The following ADGRL2 variants were observed in gnomAD, a reference collection of about 807,000 sequenced individuals.
ADGRL2 encodes the protein adhesion G protein-coupled receptor L2.
In ADGRL2, 44 loss-of-function variants were observed where a neutral mutation model predicts 157.4. That is an observed-to-expected ratio of 0.28 (90% confidence interval 0.22 to 0.36). ADGRL2 has a LOEUF of 0.36. Among genes scored for constraint, ADGRL2 ranks in the 10% least tolerant of loss-of-function variants. The pLI, the probability that ADGRL2 is intolerant of heterozygous loss-of-function variation, is 1.00. For synonymous variants in ADGRL2, 585 were observed against 624.7 expected (o/e 0.94, Z 0.95); for missense variants, 1,510 against 1,768.9 (o/e 0.85, Z 2.63).
intron 2 of ADGRL2, among the ~76,000 whole-genome samples, chr1:81,895,453 CA>C (rs2094364107): frequency 7.8e-6 from 1 of 128,844 alleles, no homozygotes. Context: ...GGCTGGAGTG[CA>C]GTGGTGCAGT....
chr1:81,830,562 C>CA (rs1163874629), intron 1 of ADGRL2, among the ~76,000 whole-genome samples: 1 of 152,202 alleles, frequency 6.6e-6, no homozygotes, highest in Non-Finnish European at 1.5e-5. Flanking sequence ...GGCTGGAGTG[C>CA]AGTGGCCTCA....
intron 2 of ADGRL2, among the ~76,000 whole-genome samples, chr1:81,468,193 G>A (rs2078099840): frequency 6.6e-6 from 1 of 152,156 alleles, no homozygotes; most frequent in Admixed American, 6.6e-5. Context: ...AATAATTATG[G>A]AGAGTGATTC....
At chr1:81,508,893 GAAC>G (rs2079027144) in intron 2 of ADGRL2, among the ~76,000 whole-genome samples, 1 of 152,166 alleles carries the variant, frequency 6.6e-6, no homozygotes, top group Non-Finnish European at 1.5e-5. Context: ...GACTTGGTTA[GAAC>G]AACTAACCTC....
rs571589034 is a variant in ADGRL2 at position 81,428,447 on chromosome 1, A to G, written c.-301-16589A>G. ...CCTGAAGGTTCAAGAATTTGAGCCTATAAGACAAACTGACAGATTAACAGG... is the reference window on the plus strand; with the variant it reads ...CCTGAAGGTTCAAGAATTTGAGCCTGTAAGACAAACTGACAGATTAACAGG... On this transcript the variant is annotated intron_variant, in intron 1 of 24. Coordinates refer to the ADGRL2 transcript ENST00000370721. Among the ~76,000 whole-genome samples the G allele has an allele frequency of 3.3e-5, 5 of 152,324 alleles. No individual in the cohort carries two copies. The East Asian group carries it at 7.7e-4, about 23-fold the overall frequency.
At chr1:81,344,168 A>G (rs1165837105) in intron 1 of ADGRL2, among the ~76,000 whole-genome samples, 1 of 152,136 alleles carries the variant, frequency 6.6e-6, no homozygotes, top group South Asian at 2.1e-4. Flanking sequence ...TCCCAGGTTC[A>G]AGCAATTCTC....
At chr1:81,939,205 T>C (rs1156355539) in intron 4 of ADGRL2, among the ~76,000 whole-genome samples, 1 of 151,636 alleles carries the variant, frequency 6.6e-6, no homozygotes, top group Non-Finnish European at 1.5e-5. Flanking sequence ...CTTTAGTATG[T>C]TTATAAACAG....
chr1:81,863,221 T>C (rs571748464), intron 2 of ADGRL2, among the ~76,000 whole-genome samples: 83 of 152,234 alleles, frequency 5.5e-4, no homozygotes, highest in African/African-American at 1.7e-3. Context: ...CTTCTCACTT[T>C]GGGCCCTGTC....
At position 81,953,026 on chromosome 1, in the gene ADGRL2, G is replaced by A; in HGVS notation, c.1833+1G>A. The stretch of plus-strand genomic sequence containing the variant: ...GAAGACATGCAGGGCTTACCTTAAG[G>A]TATCTCTCCTGTGCTGTCACCCTGC... On this transcript the variant is annotated splice_donor_variant, in intron 10 of 23. Transcript: ENST00000686636. LOFTEE classifies it high-confidence loss of function. 1.2e-6 allele frequency: 2 copies of A among 1,611,168 alleles called. No homozygotes were observed. The highest frequency in any genetic ancestry group is 8.5e-7 in the Non-Finnish European group (1 of 1,178,780).
At chr1:81,873,744 A>G (rs920725561) in intron 2 of ADGRL2, among the ~76,000 whole-genome samples, 1 of 152,152 alleles carries the variant, frequency 6.6e-6, no homozygotes, top group African/African-American at 2.4e-5. Flanking sequence ...ATTAAGGTGT[A>G]ATCACTTGAT....
intron 2 of ADGRL2, among the ~76,000 whole-genome samples, chr1:81,851,718 A>G (rs1360586174): frequency 1.4e-5 from 2 of 141,218 alleles, no homozygotes; most frequent in African/African-American, 5.2e-5. Context: ...AAATTGTCAT[A>G]AAATGCCACT....
At chr1:81,501,783 A>G in intron 2 of ADGRL2, 1 of 1,437,978 alleles carries the variant, frequency 7.0e-7, no homozygotes, top group South Asian at 1.3e-5. Context: ...GAGCCACTTC[A>G]GCAGCAGCAG....
At chr1:81,336,835 C>T (rs575071409) in intron 1 of ADGRL2, among the ~76,000 whole-genome samples, 166 of 152,254 alleles carry the variant, frequency 1.1e-3, no homozygotes, top group Admixed American at 1.8e-3. Context: ...TTTTCCCACT[C>T]GAATGTTACC....
chr1:81,873,444 A>C (rs2093749793), intron 2 of ADGRL2, among the ~76,000 whole-genome samples: 1 of 152,082 alleles, frequency 6.6e-6, no homozygotes, highest in South Asian at 2.1e-4. Flanking sequence ...GACAGTAAAG[A>C]GGTAATTCTG....
At chr1:81,537,439 AT>A (rs2079767915) in intron 2 of ADGRL2, among the ~76,000 whole-genome samples, 1 of 151,738 alleles carries the variant, frequency 6.6e-6, no homozygotes, top group Non-Finnish European at 1.5e-5. Flanking sequence ...ATGCACCACC[AT>A]GCCCTGCTAA....
At chr1:81,972,718 C>G (rs144263711) in intron 17 of ADGRL2, among the ~76,000 whole-genome samples, 329 of 151,700 alleles carry the variant, frequency 2.2e-3, no homozygotes, top group African/African-American at 7.4e-3. Context: ...AGAGGCTAGC[C>G]TGGACTTCAT....
chr1:81,734,722 A>G (rs989756909), intron 1 of ADGRL2, among the ~76,000 whole-genome samples: 3 of 149,072 alleles, frequency 2.0e-5, no homozygotes, highest in Admixed American at 2.0e-4. Context: ...TAATCAATGA[A>G]GAAACTGAGG....
intron 1 of ADGRL2, among the ~76,000 whole-genome samples, chr1:81,825,354 G>A (rs1433759139): frequency 1.3e-5 from 2 of 151,912 alleles, no homozygotes; most frequent in Admixed American, 6.6e-5. Context: ...AGAGCAAGAC[G>A]CTCTCTTTTT....
intron 3 of ADGRL2, among the ~76,000 whole-genome samples, chr1:81,629,236 C>A (rs905416353): frequency 6.6e-6 from 1 of 152,082 alleles, no homozygotes; most frequent in Non-Finnish European, 1.5e-5. Flanking sequence ...ATCCTAACAG[C>A]CTTCAAAGAG....
intron 1 of ADGRL2, among the ~76,000 whole-genome samples, chr1:81,435,506 A>G (rs2077393434): frequency 6.6e-6 from 1 of 152,186 alleles, no homozygotes; most frequent in Non-Finnish European, 1.5e-5. Flanking sequence ...TAAAAGGGAA[A>G]CCACTTTTTG....
Sources: gnomAD v4.1 joint callset for allele counts (sites outside exome capture counted in the v4.1 genomes callset) on GRCh38, gnomAD v4.1.1 for gene constraint, MANE v1.5 for transcripts, NCBI Gene and HGNC (gene_info 2026-07-23, HGNC 2026-07-21) for gene names.